The following RGS6 variants were observed in gnomAD, a reference collection of about 807,000 sequenced individuals.
RGS6 encodes regulator of G protein signaling 6.
Under a neutral mutation model 78.5 loss-of-function variants are expected in RGS6, and 30 were observed. The observed-to-expected ratio is 0.38, with a 90% confidence interval of 0.29 to 0.52. RGS6 has a LOEUF of 0.52. Ranked by LOEUF, RGS6 falls within the 20% of genes least tolerant of loss-of-function variation. The pLI is 0.85. For missense variants in RGS6, 495 were observed against 609.7 expected, an observed-to-expected ratio of 0.81 and a Z score of 1.98; for synonymous variants, 206 against 206.0, an observed-to-expected ratio of 1.00 and a Z score of 0.00.
intron 2 of RGS6, among the ~76,000 whole-genome samples, chr14:72,258,435 C>T (rs914101705): frequency 1.3e-5 from 2 of 152,182 alleles, no homozygotes; most frequent in South Asian, 2.1e-4. Flanking sequence ...GGGCCTCATT[C>T]CTAAAGTGAT....
At chr14:72,308,063 T>C (rs980872053) in intron 2 of RGS6, among the ~76,000 whole-genome samples, 1 of 152,182 alleles carries the variant, frequency 6.6e-6, no homozygotes, top group African/African-American at 2.4e-5. Context: ...TCTAATTAAA[T>C]GTTTTATTAT....
At chr14:71,901,805 G>A in the RGS6 span, among the ~76,000 whole-genome samples, 12,331 of 152,064 alleles carry the variant, frequency 0.081, 1,319 homozygotes, top group African/African-American at 0.24. Flanking sequence ...ATACTTGTTG[G>A]TCATTGGGTG....
intron 13 of RGS6, among the ~76,000 whole-genome samples, chr14:72,501,178 G>C (rs746488709): frequency 6.6e-6 from 1 of 152,106 alleles, no homozygotes; most frequent in Non-Finnish European, 1.5e-5. Context: ...GGATGTCACC[G>C]ACAATGTCTA....
intron 2 of RGS6, among the ~76,000 whole-genome samples, chr14:72,105,873 G>T (rs545157974): frequency 6.6e-6 from 1 of 152,310 alleles, no homozygotes; most frequent in African/African-American, 2.4e-5. Context: ...TTTGTAGAGA[G>T]ATACCCAGGT....
intron 3 of RGS6, among the ~76,000 whole-genome samples, chr14:72,382,988 G>A (rs34536876): frequency 0.2 from 30,522 of 151,468 alleles, 4,429 homozygotes; most frequent in East Asian, 0.52. Flanking sequence ...GGAGGTACTC[G>A]GTATCAATCT....
At chr14:72,196,382 G>A (rs2040158327) in intron 2 of RGS6, among the ~76,000 whole-genome samples, 1 of 152,208 alleles carries the variant, frequency 6.6e-6, no homozygotes, top group African/African-American at 2.4e-5. Flanking sequence ...CTGGTAATTA[G>A]GCAGTGGCTG....
At chr14:72,477,422 A>T (rs2096265601) in intron 11 of RGS6, among the ~76,000 whole-genome samples, 1 of 152,076 alleles carries the variant, frequency 6.6e-6, no homozygotes, top group Non-Finnish European at 1.5e-5. Context: ...AACCCAAAGG[A>T]GTAAACTTTG....
At chr14:72,393,446 G>A (rs1263579837) in intron 3 of RGS6, among the ~76,000 whole-genome samples, 14 of 152,126 alleles carry the variant, frequency 9.2e-5, no homozygotes, top group African/African-American at 3.4e-4. Context: ...TGATTCCAAG[G>A]TACAACCAGA....
At position 72,562,452 on chromosome 14, in the gene RGS6, G is replaced by T; in HGVS notation, c.1458G>T (p.Leu486=). 1 of 1,612,862 alleles carries T rather than the reference G, an allele frequency of 6.2e-7. No homozygotes were observed. Residue 486 remains leucine (L), a synonymous_variant, in exon 18 of 18, where the codon CTG becomes CTT. Transcript: ENST00000553525. ...TGGCGGGCAAGCGCCTCACGGGCCTGATGCAGTCCTCCTGACCGTTCCTAC... is the reference window on the plus strand; with the variant it reads ...TGGCGGGCAAGCGCCTCACGGGCCTTATGCAGTCCTCCTGACCGTTCCTAC... ...KSLAGKRLTG[L]MQSS is the part of the protein sequence containing the mutation.
intron 2 of RGS6, among the ~76,000 whole-genome samples, chr14:72,326,355 A>G (rs1316672760): frequency 6.6e-6 from 1 of 152,244 alleles, no homozygotes; most frequent in Non-Finnish European, 1.5e-5. Flanking sequence ...CCCTGAAAGT[A>G]TACTGATAGA....
At chr14:72,492,268 C>T (rs2096588231) in intron 12 of RGS6, among the ~76,000 whole-genome samples, 1 of 152,142 alleles carries the variant, frequency 6.6e-6, no homozygotes, top group Non-Finnish European at 1.5e-5. Context: ...GCTTAGGTTC[C>T]ATGAAGAATG....
intron 2 of RGS6, among the ~76,000 whole-genome samples, chr14:72,174,120 T>C (rs2097069123): frequency 6.6e-6 from 1 of 152,212 alleles, no homozygotes; most frequent in South Asian, 2.1e-4. Flanking sequence ...TGGATTCTTT[T>C]TTTTTGAGGT....
chr14:72,104,040 C>A (rs1212147659), intron 2 of RGS6, among the ~76,000 whole-genome samples: 1 of 152,140 alleles, frequency 6.6e-6, no homozygotes, highest in African/African-American at 2.4e-5. Context: ...CTAGGCGTTT[C>A]CCCCAGGAGC....
At chr14:72,471,114 C>T (rs2153312534) in intron 8 of RGS6, among the ~76,000 whole-genome samples, 1 of 151,532 alleles carries the variant, frequency 6.6e-6, no homozygotes, top group African/African-American at 2.4e-5. Context: ...AGAGTCTGAA[C>T]TTCTTCAATT....
intron 3 of RGS6, among the ~76,000 whole-genome samples, chr14:72,417,845 A>G (rs904030641): frequency 5.3e-5 from 8 of 152,184 alleles, no homozygotes; most frequent in African/African-American, 1.9e-4. Flanking sequence ...CCCAGGTTCC[A>G]TATCTGTAAC....
At chr14:71,939,884 A>G (rs959252285) in intron 1 of RGS6, among the ~76,000 whole-genome samples, 8 of 152,044 alleles carry the variant, frequency 5.3e-5, no homozygotes, top group Admixed American at 6.5e-5. Context: ...TTGATTTGCT[A>G]TTTTTCTAGG....
At chr14:72,626,404 C>T in the RGS6 span, among the ~76,000 whole-genome samples, 1 of 152,070 alleles carries the variant, frequency 6.6e-6, no homozygotes, top group African/African-American at 2.4e-5. Context: ...TTTCTTATGT[C>T]TCTTTTTTCT....
intron 1 of RGS6, among the ~76,000 whole-genome samples, chr14:71,960,352 A>C (rs1289546824): frequency 6.6e-6 from 1 of 152,186 alleles, no homozygotes. Context: ...CCTTGGGGAA[A>C]ATCTTTATGT....
chr14:72,328,624 A>T (rs2074314326), intron 2 of RGS6, among the ~76,000 whole-genome samples: 1 of 152,082 alleles, frequency 6.6e-6, no homozygotes, highest in Admixed American at 6.5e-5. Context: ...GGCCACGTTG[A>T]CTAACTGGAG....
Sources: allele counts gnomAD v4.1 joint callset (sites outside exome capture counted in the v4.1 genomes callset), GRCh38; gene constraint gnomAD v4.1.1; transcripts MANE v1.5; gene names NCBI Gene and HGNC (gene_info 2026-07-23, HGNC 2026-07-21).